CGN: variants seen among roughly 807,000 people sequenced by gnomAD.
CGN encodes cingulin.
Under a neutral mutation model 157.1 loss-of-function variants are expected in CGN, and 121 were observed. The ratio of observed to expected loss-of-function variants is 0.77; its 90% CI spans 0.66 to 0.90. CGN has a LOEUF of 0.90. Ranked by LOEUF, CGN falls within the 40% of genes least tolerant of loss-of-function variation. The pLI is 0.00. For synonymous variants in CGN, 535 were observed against 607.5 expected, an observed-to-expected ratio of 0.88 and a Z score of 1.76; for missense variants, 1,424 against 1,520.9, an observed-to-expected ratio of 0.94 and a Z score of 1.06.
chr1:151,532,283 A>G (rs1310983996), intron 13 of CGN, 119 bp from the exon 14 acceptor site: 2 of 690,552 alleles, frequency 2.9e-6, no homozygotes, highest in Non-Finnish European at 4.5e-6. Context: ...TAGGCCCAGG[A>G]AAGAGCAAGA....
At chr1:151,530,895 C>A in intron 13 of CGN, 149 bp downstream of exon 13, 1 of 829,876 alleles carries the variant, frequency 1.2e-6, no homozygotes, top group Non-Finnish European at 1.9e-6. Context: ...AATTCCAGCA[C>A]TTTGAGAGGC....
intron 1 of CGN, among the ~76,000 whole-genome samples, chr1:151,513,785 G>A (rs912098511): frequency 3.9e-5 from 6 of 152,238 alleles, no homozygotes; most frequent in African/African-American, 1.4e-4. Flanking sequence ...TCTGGTACAG[G>A]TGTAGAGTGT....
intron 11 of CGN, among the ~76,000 whole-genome samples, 166 bp from the exon 12 acceptor site, chr1:151,529,743 G>A (rs1664786915): frequency 6.6e-6 from 1 of 152,130 alleles, no homozygotes; most frequent in Non-Finnish European, 1.5e-5. Context: ...TGTAGGGGTG[G>A]GATTCTCAGA....
At chr1:151,523,309 G>A in intron 5 of CGN, 125 bp from the exon 6 acceptor site, 2 of 778,386 alleles carry the variant, frequency 2.6e-6, no homozygotes, top group Non-Finnish European at 4.0e-6. Flanking sequence ...ATACACATAA[G>A]GTCCTAAGTA....
In CGN at chr1:151,524,536, A is replaced by G; in HGVS notation, c.1402-138A>G. 8.4e-7 allele frequency: 1 copy of G among 1,188,544 alleles called. No homozygotes were observed. The highest frequency in any genetic ancestry group is 1.2e-6 in the Non-Finnish European group (1 of 839,758). The allele number at this position is 1,188,544 out of a possible 1,614,324, so 73.6% of individuals were successfully genotyped here. On this transcript the variant is annotated intron_variant, in intron 7 of 20. Coordinates refer to ENST00000271636, the MANE Select transcript of CGN (RefSeq NM_020770.3). The surrounding 1 kb of genome is among the most constrained non-coding windows in gnomAD (Gnocchi z 4.4). ...ACTAGAGTTAGGATAAAGGAAACCT[A>G]TCATTCTGGGCTCCAGTACTGGTAC...
rs1553246988 is a variant in CGN, at chr1:151,534,093, A to G, written c.2861A>G (p.Lys954Arg). The change falls in exon 15 of 21, where the codon AAG becomes AGG. Residue 954 changes from lysine (K) to arginine (R), a missense_variant. Lys to Arg is a conservative substitution (Grantham distance 26). This residue lies in a region of CGN where 1,187 missense variants were observed against 1,217.6 expected (regional missense o/e 0.97). Coordinates refer to ENST00000271636, the MANE Select transcript of CGN (RefSeq NM_020770.3). ...CTGGAGCAAGAGGCAGAGAACAAGA[A>G]GCGTTCCCAGGACGACAGGGCCCGG... ...QGLEQEAENK[K>R]RSQDDRARQL... 1.9e-6 allele frequency: 3 copies of G among 1,611,206 alleles called. No homozygotes were observed.
rs931963460 is a variant in CGN, at chr1:151,529,431, C to A, written c.1978C>A (p.Arg660=). Residue 660 remains arginine, a synonymous_variant, in exon 11 of 21, where the codon CGG becomes AGG. Transcript: ENST00000271636. ...GGAGGTGGCTGGGCGACACCGGGAC[C>A]GGGAGTTGGAGAAGCAGCTGGCGGT... ...SQEVAGRHRD[R]ELEKQLAVLR... is the part of the protein sequence containing the mutation. 5.0e-6 allele frequency: 8 copies of A among 1,613,752 alleles called. No homozygotes were observed. The highest frequency in any genetic ancestry group is 6.8e-6 in the Non-Finnish European group (8 of 1,179,896).
Position 151,536,333 on chromosome 1 carries a change from C to T in CGN, c.3294C>T (p.Asp1098=). 6.3e-7 allele frequency: 1 copy of T among 1,593,096 alleles called. No homozygotes were observed. Among genetic ancestry groups the T allele is most frequent in the Non-Finnish European group, 8.6e-7 (1 of 1,160,992 alleles). ...AAGACGAGCGGCAGCATGTCAATGACCAGAAAGACCAGGTGAGGACATGGC... is the reference window on the plus strand; with the variant it reads ...AAGACGAGCGGCAGCATGTCAATGATCAGAAAGACCAGGTGAGGACATGGC... ...QIEDERQHVN[D]QKDQLSLRVK... Residue 1098 remains aspartate (D), a synonymous_variant, in exon 19 of 21, where the codon GAC becomes GAT. Coordinates refer to ENST00000271636, the MANE Select transcript of CGN (RefSeq NM_020770.3).
intron 1 of CGN, among the ~76,000 whole-genome samples, chr1:151,516,365 T>C (rs1020408002): frequency 6.6e-6 from 1 of 152,084 alleles, no homozygotes; most frequent in Non-Finnish European, 1.5e-5. Flanking sequence ...ATTTTTTTAT[T>C]TGCTTGGAAG....
At chr1:151,513,123 C>T (rs1176002104) in intron 1 of CGN, among the ~76,000 whole-genome samples, 2 of 152,230 alleles carry the variant, frequency 1.3e-5, no homozygotes, top group Admixed American at 1.3e-4. Flanking sequence ...CCTCTGTCCT[C>T]TCCTTCAGAG....
At position 151,524,220 on chromosome 1, in the gene CGN, T is replaced by C. The variant is rs1409352180; in HGVS notation, c.1269-6T>C. 6.2e-7 allele frequency: 1 copy of C among 1,611,786 alleles called. No homozygotes were observed. Reference sequence around the variant, plus strand: ...CATAGTGTGCAATAATGTTATCTATTATTAGGCTCCAGAACATGAAGCGCC... The same window carrying C: ...CATAGTGTGCAATAATGTTATCTATCATTAGGCTCCAGAACATGAAGCGCC... On this transcript the variant is annotated splice_region_variant and splice_polypyrimidine_tract_variant and intron_variant, in intron 6 of 20. Coordinates refer to ENST00000271636, the MANE Select transcript of CGN (RefSeq NM_020770.3). This position sits in a 1 kb window ranked among gnomAD's most constrained non-coding sequence, Gnocchi z 4.4.
rs546259060 is a variant in CGN, at chr1:151,519,472, C to T, written c.873+80C>T. On this transcript the variant is annotated intron_variant, in intron 2 of 20. Transcript: ENST00000271636. ...CAGCTTTTACCCACCAGCCATGAGCCTCCTTGCTAATTCAAATAGCCTAGG... is the reference window on the plus strand; with the variant it reads ...CAGCTTTTACCCACCAGCCATGAGCTTCCTTGCTAATTCAAATAGCCTAGG... The T allele has an allele frequency of 9.3e-5, 121 of 1,303,818 alleles. 1 individual carries two copies. The South Asian group carries it at 1.6e-3, about 18-fold the overall frequency. The allele number at this position is 1,303,818 out of a possible 1,614,324, so 80.8% of individuals were successfully genotyped here.
At position 151,511,670 on chromosome 1, in the gene CGN, G is replaced by C. The variant is rs1421966185; in HGVS notation, c.-15+155G>C. On this transcript the variant is annotated intron_variant, in intron 1 of 20. Transcript: ENST00000271636. This position sits in a 1 kb window ranked among gnomAD's most constrained non-coding sequence, Gnocchi z 4.8. ...AGGAGGGGAGATTGGGGCGGGGTGG[G>C]GTACTGATTAAGAGCCGACCCCTAC... Among the ~76,000 whole-genome samples, 2 of 152,102 alleles carry C rather than the reference G, an allele frequency of 1.3e-5. No individual in the cohort carries two copies. The highest frequency in any genetic ancestry group is 2.4e-5 in the African/African-American group (1 of 41,414).
chr1:151,515,340 AC>A (rs1277454914), intron 1 of CGN, among the ~76,000 whole-genome samples: 1 of 152,156 alleles, frequency 6.6e-6, no homozygotes, highest in African/African-American at 2.4e-5. Flanking sequence ...ATAACTTGGT[AC>A]TTTTTTATCA....
At chr1:151,535,243 G>A (rs539973330) in intron 16 of CGN, 112 bp downstream of exon 16, 100 of 837,348 alleles carry the variant, frequency 1.2e-4, no homozygotes, top group South Asian at 4.7e-4. Context: ...GAATCTGTGC[G>A]TGGCTGGGTC....
chr1:151,522,640 C>A (rs11204840), intron 5 of CGN, among the ~76,000 whole-genome samples: 31,226 of 138,346 alleles, frequency 0.23, 4,512 homozygotes, highest in East Asian at 0.8. Flanking sequence ...AACAAACAAA[C>A]AAAAAAAACA....
chr1:151,518,012 T>A (rs867648529), intron 1 of CGN, among the ~76,000 whole-genome samples: 44 of 152,108 alleles, frequency 2.9e-4, no homozygotes, highest in African/African-American at 1.1e-3. Flanking sequence ...AGGCCCAGTT[T>A]ATTTTTGTAT....
Position 151,532,525 on chromosome 1 carries a change from A to C in CGN, c.2695A>C (p.Ser899Arg). 1 of 1,598,278 alleles carries C rather than the reference A, an allele frequency of 6.3e-7. No individual in the cohort carries two copies. Among genetic ancestry groups the C allele is most frequent in the East Asian group, 2.3e-5 (1 of 43,272 alleles). ...CCAGCGCCAGGCCAAGGATTGGGCC[A>C]GTGAGGCTGAGAAGACCTCTGGAGG... is the stretch of plus-strand genomic sequence containing the variant. ...DAQRQAKDWA[S>R]EAEKTSGGLS... Residue 899 changes from serine (S) to arginine (R), a missense_variant, in exon 14 of 21, where the codon AGT becomes CGT. Transcript: ENST00000271636.
Position 151,537,760 on chromosome 1 carries a change from AT to A in CGN, c.*418del. On this transcript the variant is annotated 3_prime_UTR_variant, in exon 21 of 21. Transcript: ENST00000271636. ...TGTGCTCCCTGGATTCCTGCAACTCATTTTCCTTCCACTCTGGAGCAGGGTG... is the reference window on the plus strand; with the variant it reads ...TGTGCTCCCTGGATTCCTGCAACTCATTTCCTTCCACTCTGGAGCAGGGTG... The A allele has an allele frequency of 6.3e-6, 1 of 158,540 alleles. No homozygotes were observed. Among genetic ancestry groups the A allele is most frequent in the Non-Finnish European group, 1.4e-5 (1 of 71,658 alleles). 9.8% of individuals were successfully genotyped at this position (158,540 alleles called of 1,614,324 possible). A position where few individuals can be genotyped will look rare whatever the true frequency, so the allele number is the denominator to read the frequency against.
Sources: allele counts gnomAD v4.1 joint callset (sites outside exome capture counted in the v4.1 genomes callset), GRCh38; gene constraint gnomAD v4.1.1; regional missense constraint gnomAD v4.1.1; non-coding constraint Gnocchi (gnomAD v3.1); transcripts MANE v1.5; gene names NCBI Gene and HGNC (gene_info 2026-07-23, HGNC 2026-07-21).